GALNT2: variants seen among roughly 807,000 people sequenced by gnomAD.
GALNT2 encodes polypeptide N-acetylgalactosaminyltransferase 2, also known as UDP-GalNAc:polypeptide N-acetylgalactosaminyltransferase 2.
A neutral mutation model predicts 81.4 loss-of-function variants in GALNT2; 31 were observed. That is an observed-to-expected ratio of 0.38 (90% CI 0.29 to 0.51). The LOEUF is 0.51. Among genes scored for constraint, GALNT2 ranks in the 20% least tolerant of loss-of-function variants. GALNT2 has a pLI of 0.87. For synonymous variants in GALNT2, 303 were observed against 287.4 expected, an observed-to-expected ratio of 1.05 and a Z score of -0.55; for missense variants, 629 against 765.7, an observed-to-expected ratio of 0.82 and a Z score of 2.11.
intron 1 of GALNT2, among the ~76,000 whole-genome samples, chr1:230,177,574 G>A (rs1011136706): frequency 4.6e-5 from 7 of 152,186 alleles, no homozygotes; most frequent in Non-Finnish European, 8.8e-5. Context: ...TAAATTGTTT[G>A]CCCAGATGAG....
At chr1:230,262,463 C>A in intron 11 of GALNT2, 110 bp from the exon 12 acceptor site, 1 of 860,192 alleles carries the variant, frequency 1.2e-6, no homozygotes. Flanking sequence ...GCTGGAGCTG[C>A]TGCACACCCA....
intron 1 of GALNT2, among the ~76,000 whole-genome samples, chr1:230,143,899 T>G (rs377341180): frequency 6.6e-5 from 10 of 152,364 alleles, no homozygotes; most frequent in Admixed American, 3.9e-4. Context: ...TTGTCAGATA[T>G]CAAGAATTTT....
chr1:230,227,433 CTA>C (rs893822415), intron 3 of GALNT2, among the ~76,000 whole-genome samples: 8 of 147,298 alleles, frequency 5.4e-5, no homozygotes, highest in Non-Finnish European at 6.0e-5. Context: ...TCTAATACAG[CTA>C]TATATATATA....
chr1:230,151,153 G>A (rs1189947330), intron 1 of GALNT2, among the ~76,000 whole-genome samples: 1 of 152,212 alleles, frequency 6.6e-6, no homozygotes, highest in African/African-American at 2.4e-5. Context: ...CCAACATAAT[G>A]ATTACAGTTG....
chr1:230,199,103 G>C (rs190748188), intron 2 of GALNT2, among the ~76,000 whole-genome samples: 41 of 152,192 alleles, frequency 2.7e-4, no homozygotes, highest in Middle Eastern at 3.4e-3. Flanking sequence ...TTAATTTCCA[G>C]AACTATTTTT....
rs375810287 is a variant in GALNT2, at chr1:230,243,844, G to T, written c.729+417G>T. 4.0e-4 allele frequency among the ~76,000 whole-genome samples: 61 copies of T among 152,220 alleles called. 2 individuals carry two copies. In the South Asian group the frequency reaches 0.012, roughly 31 times the overall value. Reference sequence around the variant, plus strand: ...GGCGTGCTGGGGAAGCTGTCCCTGGGGCCACCTCTCTGCTCTTAGTGAGTA... The same window carrying T: ...GGCGTGCTGGGGAAGCTGTCCCTGGTGCCACCTCTCTGCTCTTAGTGAGTA... On this transcript the variant is annotated intron_variant, in intron 7 of 15. Coordinates refer to ENST00000366672, the MANE Select transcript of GALNT2 (RefSeq NM_004481.5). The surrounding 1 kb of genome is among the most constrained non-coding windows in gnomAD (Gnocchi z 4.2).
intron 1 of GALNT2, among the ~76,000 whole-genome samples, chr1:230,144,613 A>C (rs1054399645): frequency 1.3e-5 from 2 of 152,110 alleles, no homozygotes; most frequent in African/African-American, 4.8e-5. Context: ...GGATTTCGCC[A>C]TGCTTATTTT....
chr1:230,186,781 T>G (rs984641801), intron 2 of GALNT2, among the ~76,000 whole-genome samples: 1 of 152,254 alleles, frequency 6.6e-6, no homozygotes. Context: ...TGTACTGATT[T>G]GCCTCTCTTT....
At chr1:230,218,884 A>G (rs1468873808) in intron 3 of GALNT2, among the ~76,000 whole-genome samples, 1 of 152,228 alleles carries the variant, frequency 6.6e-6, no homozygotes, top group Non-Finnish European at 1.5e-5. Flanking sequence ...GTGGATGAGC[A>G]AACATTACCG....
At chr1:230,172,732 T>C (rs754086065) in intron 1 of GALNT2, among the ~76,000 whole-genome samples, 1 of 152,254 alleles carries the variant, frequency 6.6e-6, no homozygotes, top group Non-Finnish European at 1.5e-5. Context: ...TTTTTTCTTA[T>C]TTGGATCAGA....
chr1:230,162,366 A>G (rs1662462347), intron 1 of GALNT2, among the ~76,000 whole-genome samples: 1 of 152,202 alleles, frequency 6.6e-6, no homozygotes, highest in Non-Finnish European at 1.5e-5. Context: ...TGCTACTAAG[A>G]TGGATGAATA....
At chr1:230,107,075 G>A (rs79114128) in intron 1 of GALNT2, among the ~76,000 whole-genome samples, 154 of 152,322 alleles carry the variant, frequency 1.0e-3, no homozygotes, top group African/African-American at 3.6e-3. Context: ...ACGCTCCGCA[G>A]GTGCTGTCTT....
chr1:230,164,665 C>G (rs1029434135), intron 1 of GALNT2, among the ~76,000 whole-genome samples: 1 of 152,018 alleles, frequency 6.6e-6, no homozygotes, highest in African/African-American at 2.4e-5. Flanking sequence ...TCCTGAGTAG[C>G]TGGGACTACA....
At chr1:230,064,501 G>C (rs1659118825), upstream of GALNT2, among the ~76,000 whole-genome samples, 1 of 152,106 alleles carries the variant, frequency 6.6e-6, no homozygotes, top group Non-Finnish European at 1.5e-5. Context: ...TTGAGGGCTG[G>C]GTATAAAAAT....
intron 1 of GALNT2, among the ~76,000 whole-genome samples, chr1:230,154,030 GAAT>G: frequency 6.6e-6 from 1 of 152,228 alleles, no homozygotes; most frequent in East Asian, 1.9e-4. Context: ...ATTGTTTGGA[GAAT>G]AATAAGTCTC....
intron 1 of GALNT2, among the ~76,000 whole-genome samples, chr1:230,104,722 G>A (rs10864692): frequency 0.43 from 65,743 of 152,094 alleles, 14,236 homozygotes; most frequent in South Asian, 0.53. Flanking sequence ...GTAGGAGGGC[G>A]ATCCCGTTCC....
At chr1:230,156,232 AAAGAGAGAGAGAGTGT>A (rs1558114236) in intron 1 of GALNT2, among the ~76,000 whole-genome samples, 1 of 120,774 alleles carries the variant, frequency 8.3e-6, no homozygotes, top group African/African-American at 3.0e-5. Flanking sequence ...AGAGAGAGAG[AAAGAGAGAGAGAGTGT>A]GTGTGTGTGT....
intron 3 of GALNT2, among the ~76,000 whole-genome samples, chr1:230,235,756 G>A (rs572446929): frequency 5.9e-5 from 9 of 152,178 alleles, no homozygotes; most frequent in South Asian, 4.2e-4. Context: ...TTTTTTTAAC[G>A]TGTTAGAAAG....
chr1:230,279,288 T>A lies in GALNT2; in HGVS notation c.1561-15T>A, dbSNP rs1322247496. 4 of 1,612,500 alleles carry A rather than the reference T, an allele frequency of 2.5e-6. No individual in the cohort carries two copies. Among genetic ancestry groups the A allele is most frequent in the Middle Eastern group, 1.7e-4 (1 of 6,052 alleles). On this transcript the variant is annotated splice_polypyrimidine_tract_variant and intron_variant, in intron 15 of 15. Coordinates refer to ENST00000366672, the MANE Select transcript of GALNT2 (RefSeq NM_004481.5). The surrounding 1 kb of genome is among the most constrained non-coding windows in gnomAD (Gnocchi z 4.6). ...CTTGTGCCCACACTCTAAGGCACTC[T>A]CCTGTGTCTTGCAGAAATGGGAACA... is the stretch of plus-strand genomic sequence containing the variant.
Sources: allele counts gnomAD v4.1 joint callset (sites outside exome capture counted in the v4.1 genomes callset), GRCh38; gene constraint gnomAD v4.1.1; non-coding constraint Gnocchi (gnomAD v3.1); transcripts MANE v1.5; gene names NCBI Gene and HGNC (gene_info 2026-07-23, HGNC 2026-07-21).